Variants in GOLGA3 observed in about 807,000 individuals in gnomAD.
GOLGA3 encodes golgin A3.
Under a neutral mutation model 169.4 loss-of-function variants are expected in GOLGA3, and 75 were observed. The observed-to-expected ratio is 0.44, with a 90% CI of 0.37 to 0.54. GOLGA3 has a LOEUF of 0.54. GOLGA3 is among the 20% of genes least tolerant of loss of function. GOLGA3 has a pLI of 0.00. For synonymous variants in GOLGA3, 824 were observed against 822.4 expected (o/e 1.00, Z -0.03); for missense variants, 1,899 against 1,930.0 (o/e 0.98, Z 0.30).
At chr12:132,807,615 A>G (rs10870516) in intron 5 of GOLGA3, among the ~76,000 whole-genome samples, 37,426 of 152,160 alleles carry the variant, frequency 0.25, 4,718 homozygotes, top group African/African-American at 0.28. Context: ...AAAAAGCAGC[A>G]GACTTGTTAT....
intron 2 of GOLGA3, among the ~76,000 whole-genome samples, chr12:132,821,071 G>C (rs1479919517): frequency 7.2e-6 from 1 of 138,552 alleles, no homozygotes; most frequent in Non-Finnish European, 1.5e-5. Context: ...CTGCACTCCA[G>C]CCTGGGCGAC....
At chr12:132,814,042 G>A (rs1036701337) in intron 3 of GOLGA3, among the ~76,000 whole-genome samples, 128 of 55,110 alleles carry the variant, frequency 2.3e-3, no homozygotes, top group African/African-American at 8.7e-3. Context: ...TTTTTTTTTT[G>A]AGACGGAGTT....
intron 2 of GOLGA3, among the ~76,000 whole-genome samples, chr12:132,821,078 C>T (rs1253616595): frequency 2.5e-5 from 3 of 118,580 alleles, no homozygotes; most frequent in South Asian, 2.8e-4. Flanking sequence ...CCAGCCTGGG[C>T]GACAGAACAG....
chr12:132,808,593 A>G, intron 4 of GOLGA3, 44 bp from the exon 5 acceptor site: 1 of 1,474,332 alleles, frequency 6.8e-7, no homozygotes, highest in Non-Finnish European at 9.2e-7. Flanking sequence ...TAAAATCCAC[A>G]AGCAGCATAC....
chr12:132,816,277 C>T (rs965491778), intron 3 of GOLGA3, among the ~76,000 whole-genome samples: 1 of 152,266 alleles, frequency 6.6e-6, no homozygotes, highest in Non-Finnish European at 1.5e-5. Flanking sequence ...CTGGGTGACA[C>T]AGGACATGCA....
Position 132,777,594 on chromosome 12 carries a change from G to A in GOLGA3, c.3722+72C>T. 3.2e-6 allele frequency: 5 copies of A among 1,540,238 alleles called. No homozygotes were observed. The highest frequency in any genetic ancestry group is 4.5e-6 in the Non-Finnish European group (5 of 1,122,798). ...AAATATAGATGACCCTCGCTGTGCTGAAGGTGTGAATTAGACCCCGCCCAT... is the reference window on the plus strand; with the variant it reads ...AAATATAGATGACCCTCGCTGTGCTAAAGGTGTGAATTAGACCCCGCCCAT... On this transcript the variant is annotated intron_variant, in intron 19 of 23. Coordinates refer to ENST00000450791, the MANE Select transcript of GOLGA3 (RefSeq NM_001389683.1). This position sits in a 1 kb window ranked among gnomAD's most constrained non-coding sequence, Gnocchi z 4.7.
chr12:132,816,833 G>A, intron 2 of GOLGA3, 21 bp from the exon 3 acceptor site: 1 of 1,560,680 alleles, frequency 6.4e-7, no homozygotes. Context: ...AGAGCACGCT[G>A]GACCACCATG....
intron 3 of GOLGA3, among the ~76,000 whole-genome samples, chr12:132,815,553 G>T (rs1949918587): frequency 6.6e-6 from 1 of 152,240 alleles, no homozygotes; most frequent in African/African-American, 2.4e-5. Context: ...TCTGATTTCA[G>T]TAATTTAGGG....
At chr12:132,798,883 C>A (rs576250780) in intron 8 of GOLGA3, among the ~76,000 whole-genome samples, 2 of 152,234 alleles carry the variant, frequency 1.3e-5, no homozygotes, top group Non-Finnish European at 2.9e-5. Flanking sequence ...CTCAGCCAGA[C>A]GCCCGACAGG....
chr12:132,807,036 A>C, intron 6 of GOLGA3, 141 bp downstream of exon 6: 1 of 563,734 alleles, frequency 1.8e-6, no homozygotes, highest in South Asian at 2.1e-5. Context: ...CAAAAAACGT[A>C]AAGATGCAGA....
intron 17 of GOLGA3, 59 bp downstream of exon 17, chr12:132,782,237 G>T: frequency 7.2e-7 from 1 of 1,387,948 alleles, no homozygotes; most frequent in Non-Finnish European, 1.0e-6. Flanking sequence ...TTCTCGGAGT[G>T]CGCACAGCCC....
chr12:132,808,901 G>C (rs554979297), intron 4 of GOLGA3, among the ~76,000 whole-genome samples: 1 of 152,168 alleles, frequency 6.6e-6, no homozygotes, highest in African/African-American at 2.4e-5. Context: ...GTGCGGCGAC[G>C]AGAGTGTAGA....
At chr12:132,801,714 C>G in intron 8 of GOLGA3, 53 bp downstream of exon 8, 1 of 1,515,384 alleles carries the variant, frequency 6.6e-7, no homozygotes, top group Admixed American at 1.7e-5. Context: ...AAGCACCGTT[C>G]TACATGAAGA....
intron 1 of GOLGA3, among the ~76,000 whole-genome samples, chr12:132,824,082 C>A (rs909145912): frequency 1.1e-4 from 16 of 152,086 alleles, no homozygotes; most frequent in Admixed American, 8.5e-4. Flanking sequence ...AACTCCATCT[C>A]AAAAAACAAA....
chr12:132,779,144 G>A (rs2045409232), intron 18 of GOLGA3, among the ~76,000 whole-genome samples: 1 of 152,040 alleles, frequency 6.6e-6, no homozygotes, highest in Non-Finnish European at 1.5e-5. Flanking sequence ...GCAATGGTGT[G>A]ATCTTGGCTC....
In GOLGA3 at chr12:132,816,707, G is replaced by T; in HGVS notation, c.239C>A (p.Ser80Ter). Residue 80 changes from serine to a stop codon, truncating the protein, a stop_gained, in exon 3 of 24, where the codon TCG becomes TAG. Transcript: ENST00000450791. LOFTEE classifies it high-confidence loss of function. ...GPTPPFPDPP[S>*]SLDPTTSPVG... ...TGGGCTTGTGGTGGGATCGAGAGAC[G>T]ACGGAGGGTCTGGGAAGGGTGGCGT... The T allele has an allele frequency of 5.0e-6, 8 of 1,614,126 alleles. No homozygotes were observed. The highest frequency in any genetic ancestry group is 1.7e-5 in the Admixed American group (1 of 60,024).
rs908815954 is a variant in GOLGA3 at position 132,771,027 on chromosome 12, G to A, written c.*2078C>T. The stretch of plus-strand genomic sequence containing the variant: ...CGTATTTTTTTTTCTAATGGTACAA[G>A]AACAATTTAGTAAATAACATCTTCA... On this transcript the variant is annotated 3_prime_UTR_variant, in exon 24 of 24. Coordinates refer to ENST00000450791, the MANE Select transcript of GOLGA3 (RefSeq NM_001389683.1). 4.6e-5 allele frequency: 7 copies of A among 152,418 alleles called. No individual in the cohort carries two copies. The highest frequency in any genetic ancestry group is 7.4e-5 in the Non-Finnish European group (5 of 67,982). The allele number at this position is 152,418 out of a possible 1,614,324, so 9.4% of individuals were successfully genotyped here.
chr12:132,775,222 C>T lies in GOLGA3; in HGVS notation c.4062G>A (p.Ser1354=), dbSNP rs745699776. The T allele has an allele frequency of 1.5e-5, 24 of 1,613,994 alleles. No individual in the cohort carries two copies. The highest frequency in any genetic ancestry group is 1.6e-4 in the Middle Eastern group (1 of 6,084). ...KDKFMLQAKV[S]ELKNNMKTLL... is the part of the protein sequence containing the mutation. Reference sequence around the variant, plus strand: ...GGGTCTTCATGTTGTTCTTCAGCTCCGACACTTTTGCCTGGAGCATAAATT... The same window carrying T: ...GGGTCTTCATGTTGTTCTTCAGCTCTGACACTTTTGCCTGGAGCATAAATT... The change falls in exon 22 of 24, where the codon TCG becomes TCA. Residue 1354 remains serine (S), a synonymous_variant. Transcript: ENST00000450791.
intron 7 of GOLGA3, 49 bp from the exon 8 acceptor site, chr12:132,802,018 G>A (rs373015395): frequency 2.7e-6 from 4 of 1,490,328 alleles, no homozygotes; most frequent in South Asian, 1.1e-5. Flanking sequence ...GCCAACGGGG[G>A]AGTCCGCAGC....
Sources: allele counts gnomAD v4.1 joint callset (sites outside exome capture counted in the v4.1 genomes callset), GRCh38; gene constraint gnomAD v4.1.1; non-coding constraint Gnocchi (gnomAD v3.1); transcripts MANE v1.5; gene names NCBI Gene and HGNC (gene_info 2026-07-23, HGNC 2026-07-21).